The following ATF3 variants were observed in gnomAD, a reference collection of about 807,000 sequenced individuals.
ATF3 encodes activating transcription factor 3.
A neutral mutation model predicts 18.4 loss-of-function variants in ATF3; 10 were observed. That is an observed-to-expected ratio of 0.54 (90% CI 0.34 to 0.92). ATF3 has a LOEUF of 0.92. Among genes scored for constraint, ATF3 ranks in the 40% least tolerant of loss-of-function variants. The probability of loss-of-function intolerance (pLI) is 0.02; values close to 1 mark genes in which losing one functional copy is unlikely to be tolerated. For missense variants in ATF3, 183 were observed against 222.3 expected (o/e 0.82, Z 1.12); for synonymous variants, 78 against 87.9 (o/e 0.89, Z 0.63).
chr1:212,599,445 C>T (rs1654413855), intron 1 of ATF3, among the ~76,000 whole-genome samples: 1 of 152,180 alleles, frequency 6.6e-6, no homozygotes, highest in Admixed American at 6.5e-5. Context: ...TAAATTACAG[C>T]TGTGAACCAG....
intron 1 of ATF3, among the ~76,000 whole-genome samples, chr1:212,597,281 A>T (rs559800883): frequency 3.3e-5 from 5 of 152,302 alleles, no homozygotes; most frequent in Admixed American, 2.0e-4. Context: ...CATCATGATC[A>T]TCATCTTCAT....
intron 1 of ATF3, among the ~76,000 whole-genome samples, chr1:212,602,840 GACCCAGAATGT>G (rs1187452360): frequency 1.3e-5 from 2 of 152,202 alleles, no homozygotes; most frequent in Admixed American, 1.3e-4. Flanking sequence ...GCCGATGCTA[GACCCAGAATGT>G]ATTTGATATC....
intron 1 of ATF3, among the ~76,000 whole-genome samples, chr1:212,611,411 A>T (rs193258480): frequency 6.6e-6 from 1 of 152,162 alleles, no homozygotes; most frequent in East Asian, 1.9e-4. Context: ...TGTAAATCTC[A>T]TATGTCCTTC....
chr1:212,592,873 A>G (rs565131034), intron 1 of ATF3, among the ~76,000 whole-genome samples: 2 of 152,216 alleles, frequency 1.3e-5, no homozygotes, highest in Admixed American at 6.5e-5. Flanking sequence ...TGTTCTTGGT[A>G]AGAGTGGCAA....
At chr1:212,594,794 G>C (rs1664958060) in intron 1 of ATF3, among the ~76,000 whole-genome samples, 1 of 152,316 alleles carries the variant, frequency 6.6e-6, no homozygotes, top group South Asian at 2.1e-4. Context: ...TGTGCTTTGT[G>C]GGCTGAAGCT....
At chr1:212,603,095 G>A (rs984625333) in intron 1 of ATF3, among the ~76,000 whole-genome samples, 2 of 151,892 alleles carry the variant, frequency 1.3e-5, no homozygotes, top group African/African-American at 4.8e-5. Context: ...TTAGTTCTGA[G>A]AATCACCGCC....
At chr1:212,590,500 G>A (rs74138553) in intron 1 of ATF3, among the ~76,000 whole-genome samples, 5,140 of 152,228 alleles carry the variant, frequency 0.034, 324 homozygotes, top group African/African-American at 0.11. Context: ...AAAAGAGGTC[G>A]TTAAAGGTAG....
rs1289928413 is a variant in ATF3, at chr1:212,597,418, T to TC, written c.-4-17600_-4-17599insC. Among the ~76,000 whole-genome samples, 6 of 109,490 alleles carry TC rather than the reference T, an allele frequency of 5.5e-5. No homozygotes were observed. In the East Asian group the frequency reaches 1.2e-3, roughly 21 times the overall value. The allele number at this position is 109,490 out of a possible 152,430, so 71.8% of individuals were successfully genotyped here. ...TATTCTGGGTACTGAGTTACATCTA[T>TC]TTATCTATCTATCTATCTATCTATC... On this transcript the variant is annotated intron_variant, in intron 1 of 3. Transcript: ENST00000366981.
chr1:212,604,497 T>C (rs776917642), upstream of ATF3, among the ~76,000 whole-genome samples: 7 of 152,196 alleles, frequency 4.6e-5, no homozygotes, highest in Non-Finnish European at 1.0e-4. Flanking sequence ...AGGCACCTAG[T>C]CCATGGGGGT....
In ATF3 at chr1:212,619,615, A is replaced by G. The variant is rs963773492; in HGVS notation, c.*60A>G. 1 of 1,589,896 alleles carries G rather than the reference A, an allele frequency of 6.3e-7. No homozygotes were observed. The highest frequency in any genetic ancestry group is 1.1e-5 in the South Asian group (1 of 87,920). ...ATTGAATCCTCATTTTATACCCAAA[A>G]CCCTGAAGCCATTGGAGAGCTGTCT... On this transcript the variant is annotated 3_prime_UTR_variant, in exon 4 of 4. Coordinates refer to ENST00000341491, the MANE Select transcript of ATF3 (RefSeq NM_001674.4). The surrounding 1 kb of genome is among the most constrained non-coding windows in gnomAD (Gnocchi z 4.4).
intron 1 of ATF3, 81 bp from the exon 2 acceptor site, chr1:212,614,937 T>C: frequency 6.2e-7 from 1 of 1,612,698 alleles, no homozygotes; most frequent in Non-Finnish European, 8.5e-7. Flanking sequence ...GGCTCTGGTG[T>C]TGGAGGTCTG....
At chr1:212,595,534 T>C (rs964692581) in intron 1 of ATF3, among the ~76,000 whole-genome samples, 1 of 152,214 alleles carries the variant, frequency 6.6e-6, no homozygotes, top group Non-Finnish European at 1.5e-5. Flanking sequence ...GGTCACCCAA[T>C]GCACAGGGAC....
chr1:212,604,184 C>T (rs996503124), upstream of ATF3, among the ~76,000 whole-genome samples: 1 of 152,162 alleles, frequency 6.6e-6, no homozygotes, highest in Non-Finnish European at 1.5e-5. Flanking sequence ...TAAGTGGTTA[C>T]GTTTTATAGA....
chr1:212,617,150 A>C (rs1655162761), intron 2 of ATF3, among the ~76,000 whole-genome samples: 1 of 152,172 alleles, frequency 6.6e-6, no homozygotes, highest in African/African-American at 2.4e-5. Context: ...TTTTATCACT[A>C]CTAGGACCCA....
intron 1 of ATF3, among the ~76,000 whole-genome samples, chr1:212,574,130 G>T (rs1664531097): frequency 6.6e-6 from 1 of 151,304 alleles, no homozygotes; most frequent in African/African-American, 2.4e-5. Context: ...TAAACCCTTG[G>T]GTTGAATGCT....
At chr1:212,586,880 A>G (rs1664788525) in intron 1 of ATF3, among the ~76,000 whole-genome samples, 1 of 152,222 alleles carries the variant, frequency 6.6e-6, no homozygotes, top group South Asian at 2.1e-4. Context: ...GCCAATTCTC[A>G]GTTTCACCCA....
chr1:212,580,444 A>G (rs1194070221), intron 1 of ATF3, among the ~76,000 whole-genome samples: 3 of 151,998 alleles, frequency 2.0e-5, no homozygotes, highest in Non-Finnish European at 4.4e-5. Flanking sequence ...CCTCCTGAGT[A>G]GGTAGCACTA....
At chr1:212,616,688 C>T (rs977550914) in intron 2 of ATF3, among the ~76,000 whole-genome samples, 4 of 152,032 alleles carry the variant, frequency 2.6e-5, no homozygotes, top group Non-Finnish European at 4.4e-5. Flanking sequence ...GAAAGGAGGC[C>T]GTGGCAGGAA....
In ATF3 at chr1:212,600,067, A is replaced by C. The variant is rs372868110; in HGVS notation, c.-4-14951A>C. ...ACACATAAGAGCATTGTGTTTTGTG[A>C]ATAATTTTTATTTTGAGTGAACAAC... On this transcript the variant is annotated intron_variant, in intron 1 of 3. Transcript: ENST00000366981. 7.2e-5 allele frequency among the ~76,000 whole-genome samples: 11 copies of C among 152,354 alleles called. No individual in the cohort carries two copies. The East Asian group carries it at 1.3e-3, about 19-fold the overall frequency.
Sources: allele counts gnomAD v4.1 joint callset (sites outside exome capture counted in the v4.1 genomes callset), GRCh38; gene constraint gnomAD v4.1.1; non-coding constraint Gnocchi (gnomAD v3.1); transcripts MANE v1.5; gene names NCBI Gene and HGNC (gene_info 2026-07-23, HGNC 2026-07-21).